RPTOR: variants seen among roughly 807,000 people sequenced by gnomAD.
The protein encoded by RPTOR is regulatory-associated protein of mTOR.
A neutral mutation model predicts 169.9 loss-of-function variants in RPTOR; 21 were observed. That is an observed-to-expected ratio of 0.12 (90% confidence interval 0.09 to 0.18). The LOEUF (loss-of-function observed/expected upper bound fraction) is 0.18, where lower values mean the gene tolerates loss of function less well. RPTOR is among the 10% of genes least tolerant of loss of function. The pLI is 1.00. For missense variants in RPTOR, 1,133 were observed against 1,855.9 expected, an observed-to-expected ratio of 0.61 and a Z score of 7.16; for synonymous variants, 732 against 753.2, an observed-to-expected ratio of 0.97 and a Z score of 0.46.
In RPTOR at chr17:80,676,434, G is replaced by A. The variant is rs979813541; in HGVS notation, c.349-31407G>A. ...CCAGCAGCTCTTCTGTTCCGGGGTAGCCAGCACCAGGCATCAGGGCCCCCG... is the reference window on the plus strand; with the variant it reads ...CCAGCAGCTCTTCTGTTCCGGGGTAACCAGCACCAGGCATCAGGGCCCCCG... On this transcript the variant is annotated intron_variant, in intron 3 of 33. Coordinates refer to ENST00000306801, the MANE Select transcript of RPTOR (RefSeq NM_020761.3). Among the ~76,000 whole-genome samples, 8 of 152,298 alleles carry A rather than the reference G, an allele frequency of 5.3e-5. No homozygotes were observed. The East Asian group carries it at 1.5e-3, about 29-fold the overall frequency.
chr17:80,948,915 C>T (rs2069137536), intron 27 of RPTOR, among the ~76,000 whole-genome samples: 2 of 152,146 alleles, frequency 1.3e-5, no homozygotes, highest in African/African-American at 4.8e-5. Context: ...AGGCGGAGAG[C>T]CCAGACGTCT....
At chr17:80,614,823 A>G (rs1041855937) in intron 1 of RPTOR, among the ~76,000 whole-genome samples, 5 of 152,338 alleles carry the variant, frequency 3.3e-5, no homozygotes, top group African/African-American at 1.2e-4. Flanking sequence ...CGCTTTGCCG[A>G]CAGCTGCTTT....
intron 7 of RPTOR, chr17:80,802,426 C>T (rs1408709467): frequency 6.6e-6 from 1 of 152,140 alleles, no homozygotes; most frequent in Non-Finnish European, 1.5e-5. Flanking sequence ...ACCGTCTCTA[C>T]TAAAAATACA....
At chr17:80,612,312 G>A (rs1599601282) in intron 1 of RPTOR, among the ~76,000 whole-genome samples, 1 of 152,150 alleles carries the variant, frequency 6.6e-6, no homozygotes, top group East Asian at 1.9e-4. Context: ...AAATTTTTTT[G>A]TAGAGACAGG....
At chr17:80,718,905 G>A (rs1002907677) in intron 4 of RPTOR, among the ~76,000 whole-genome samples, 2 of 152,320 alleles carry the variant, frequency 1.3e-5, no homozygotes, top group Middle Eastern at 3.4e-3. Context: ...GAAACTCCAG[G>A]TAGAAGGCCG....
chr17:80,934,692 ACTT>A (rs2068935535), intron 24 of RPTOR, among the ~76,000 whole-genome samples: 1 of 152,098 alleles, frequency 6.6e-6, no homozygotes, highest in South Asian at 2.1e-4. Flanking sequence ...AACACAGAAA[ACTT>A]CTGACCCAGA....
At chr17:80,930,433 ATCCCC>A (rs1567993859) in intron 24 of RPTOR, among the ~76,000 whole-genome samples, 5 of 9,518 alleles carry the variant, frequency 5.3e-4, no homozygotes, top group Admixed American at 2.3e-3. Context: ...GCTCATCCTC[ATCCCC>A]AGCTCATCCT....
At chr17:80,751,589 C>T (rs931653033) in intron 5 of RPTOR, among the ~76,000 whole-genome samples, 2 of 152,140 alleles carry the variant, frequency 1.3e-5, no homozygotes, top group African/African-American at 2.4e-5. Context: ...TCGCAGCCCT[C>T]GGTGATTAAA....
intron 2 of RPTOR, among the ~76,000 whole-genome samples, chr17:80,634,599 CGTACTGTGTGTGTACTGTGTGCGTGT>C (rs1567831183): frequency 0.037 from 1,270 of 34,214 alleles, 185 homozygotes; most frequent in South Asian, 0.048. Flanking sequence ...TGTGTGTGTG[CGTACTGTGTGTGTACTGTGTGCGTGT>C]GCGTACTGTG....
chr17:80,821,702 C>T (rs139540298), intron 7 of RPTOR, among the ~76,000 whole-genome samples: 8 of 152,284 alleles, frequency 5.3e-5, no homozygotes, highest in Admixed American at 1.3e-4. Context: ...CCTGGGCGCG[C>T]GCTGGCAATC....
At chr17:80,904,575 T>G (rs1037087557) in intron 20 of RPTOR, among the ~76,000 whole-genome samples, 1 of 152,172 alleles carries the variant, frequency 6.6e-6, no homozygotes, top group Admixed American at 6.5e-5. Flanking sequence ...AGTCTAGACA[T>G]GAAAATAGGT....
intron 7 of RPTOR, among the ~76,000 whole-genome samples, chr17:80,809,185 C>A (rs1022864531): frequency 2.0e-5 from 3 of 152,188 alleles, no homozygotes; most frequent in Admixed American, 6.5e-5. Context: ...TCTGCCTTTT[C>A]GGGGTTTTTT....
chr17:80,840,657 ACAC>A (rs2067627796), intron 10 of RPTOR, among the ~76,000 whole-genome samples: 2 of 42,890 alleles, frequency 4.7e-5, no homozygotes, highest in Non-Finnish European at 1.1e-4. Context: ...CACTCTCACC[ACAC>A]CACAGCTCAC....
chr17:80,587,295 T>C (rs975050171), intron 1 of RPTOR, among the ~76,000 whole-genome samples: 7 of 152,396 alleles, frequency 4.6e-5, no homozygotes, highest in African/African-American at 1.2e-4. Context: ...AACATTATCA[T>C]AGTATCTGCG....
At chr17:80,545,821 C>T (rs1297909032) in intron 1 of RPTOR, 30 bp downstream of exon 1, 2 of 1,534,184 alleles carry the variant, frequency 1.3e-6, no homozygotes, top group Non-Finnish European at 1.8e-6. Flanking sequence ...ACCCCTTGAA[C>T]TTGGTAGTTT....
intron 3 of RPTOR, among the ~76,000 whole-genome samples, chr17:80,699,232 T>A (rs56307121): frequency 0.091 from 13,833 of 152,338 alleles, 710 homozygotes; most frequent in African/African-American, 0.14. Flanking sequence ...ATCATTTGTA[T>A]GTGCACAAAT....
chr17:80,804,677 G>A (rs117919891), intron 7 of RPTOR: 7,525 of 152,334 alleles, frequency 0.049, 233 homozygotes, highest in South Asian at 0.092. Context: ...GCCCAAAGTC[G>A]CACAGCTAGG....
In RPTOR at chr17:80,845,396, A is replaced by G. The variant is rs1049133456; in HGVS notation, c.1213-1077A>G. Among the ~76,000 whole-genome samples, 1 of 150,908 alleles carries G rather than the reference A, an allele frequency of 6.6e-6. No individual in the cohort carries two copies. Among genetic ancestry groups the G allele is most frequent in the Non-Finnish European group, 1.5e-5 (1 of 67,754 alleles). On this transcript the variant is annotated intron_variant, in intron 10 of 33. Coordinates refer to ENST00000306801, the MANE Select transcript of RPTOR (RefSeq NM_020761.3). The surrounding 1 kb of genome is among the most constrained non-coding windows in gnomAD (Gnocchi z 5.4). ...AGCTGCAACCCCTCCTCCCGCCCTCACCCCAGAGAGTACCCTCGTTTCCCA... is the reference window on the plus strand; with the variant it reads ...AGCTGCAACCCCTCCTCCCGCCCTCGCCCCAGAGAGTACCCTCGTTTCCCA...
At chr17:80,755,507 C>T (rs575854371) in intron 6 of RPTOR, among the ~76,000 whole-genome samples, 54 of 152,156 alleles carry the variant, frequency 3.5e-4, no homozygotes, top group African/African-American at 1.2e-3. Context: ...GAAGGTGAGG[C>T]AGGCAGATTG....
Sources: gnomAD v4.1 joint callset for allele counts (sites outside exome capture counted in the v4.1 genomes callset) on GRCh38, gnomAD v4.1.1 for gene constraint, Gnocchi (gnomAD v3.1) non-coding constraint, MANE v1.5 for transcripts, NCBI Gene and HGNC (gene_info 2026-07-23, HGNC 2026-07-21) for gene names.